GCN1: variants seen among roughly 807,000 people sequenced by gnomAD.
GCN1 encodes GCN1 activator of EIF2AK4, also known as stalled ribosome sensor GCN1.
Under a neutral mutation model 288.4 loss-of-function variants are expected in GCN1, and 90 were observed. The ratio of observed to expected loss-of-function variants is 0.31; its 90% CI spans 0.26 to 0.37. The LOEUF (loss-of-function observed/expected upper bound fraction) is 0.37, where lower values mean the gene tolerates loss of function less well. Ranked by LOEUF, GCN1 falls within the 10% of genes least tolerant of loss-of-function variation. The pLI is 1.00. For missense variants in GCN1, 2,586 were observed against 3,419.9 expected, an observed-to-expected ratio of 0.76 and a Z score of 6.08; for synonymous variants, 1,386 against 1,420.2, an observed-to-expected ratio of 0.98 and a Z score of 0.54.
intron 18 of GCN1, among the ~76,000 whole-genome samples, chr12:120,163,851 G>A (rs1444614572): frequency 3.3e-5 from 5 of 152,214 alleles, no homozygotes; most frequent in South Asian, 2.1e-4. Context: ...GGGAGGGCAC[G>A]GTGGCTCGTG....
At position 120,170,263 on chromosome 12, in the gene GCN1, C is replaced by T. The variant is rs532541768; in HGVS notation, c.1425G>A (p.Lys475=). ...GAACCTGAGTGCTTTGGGAGGCTGC[C>T]TTCTCCACTGTCTGGATGAGCAAGG... ...LLPLLIQTVE[K]AASQSTQVPT... is the part of the protein sequence containing the mutation. Residue 475 remains lysine (K), a synonymous_variant, in exon 15 of 58, where the codon AAG becomes AAA. Transcript: ENST00000300648. 3.1e-6 allele frequency: 5 copies of T among 1,614,080 alleles called. No homozygotes were observed. The highest frequency in any genetic ancestry group is 2.7e-5 in the African/African-American group (2 of 75,046).
At position 120,138,842 on chromosome 12, in the gene GCN1, A is replaced by C; in HGVS notation, c.6009T>G (p.Ser2003=). The C allele has an allele frequency of 6.2e-7, 1 of 1,611,142 alleles. No individual in the cohort carries two copies. Among genetic ancestry groups the C allele is most frequent in the Non-Finnish European group, 8.5e-7 (1 of 1,177,866 alleles). Residue 2003 remains serine, a synonymous_variant, in exon 46 of 58, where the codon TCT becomes TCG. Transcript: ENST00000300648. ...TCCTTGCCGTGGGCACGAGGGATTC[A>C]GAGAAATACAGCACCTGCAATGGCA... ...STSRDAVLYF[S]ESLVPTARKA...
At chr12:120,131,122 G>A (rs1395714898) in intron 55 of GCN1, 63 bp downstream of exon 55, 10 of 1,500,810 alleles carry the variant, frequency 6.7e-6, no homozygotes, top group Middle Eastern at 1.7e-4. Context: ...CCCGCGCTGT[G>A]TCCACAAGGT....
chr12:120,188,806 G>A (rs1200875057), intron 2 of GCN1, among the ~76,000 whole-genome samples: 3 of 149,566 alleles, frequency 2.0e-5, no homozygotes, highest in Non-Finnish European at 4.4e-5. Flanking sequence ...CTGAGATCAT[G>A]CCACTGCACT....
intron 26 of GCN1, among the ~76,000 whole-genome samples, chr12:120,157,408 G>A (rs908400802): frequency 6.6e-6 from 1 of 152,172 alleles, no homozygotes; most frequent in African/African-American, 2.4e-5. Context: ...ATATAATCTA[G>A]TAATTCCATG....
chr12:120,163,394 CCCAGCTT>C, intron 18 of GCN1, 135 bp from the exon 19 acceptor site: 1 of 666,988 alleles, frequency 1.5e-6, no homozygotes, highest in South Asian at 1.9e-5. Context: ...GAAATGGATG[CCCAGCTT>C]CCTGCAATGG....
At position 120,156,633 on chromosome 12, in the gene GCN1, G is replaced by C; in HGVS notation, c.3169-29C>G. On this transcript the variant is annotated intron_variant, in intron 27 of 57. Coordinates refer to ENST00000300648, the MANE Select transcript of GCN1 (RefSeq NM_006836.2). This position sits in a 1 kb window ranked among gnomAD's most constrained non-coding sequence, Gnocchi z 5.8. ...AGGAGAACATCAATCCACTGGTTCA[G>C]TCAGCAACTCATTTACTACTAGGGG... is the stretch of plus-strand genomic sequence containing the variant. 6.2e-7 allele frequency: 1 copy of C among 1,611,542 alleles called. No individual in the cohort carries two copies. Among genetic ancestry groups the C allele is most frequent in the Non-Finnish European group, 8.5e-7 (1 of 1,178,112 alleles).
At chr12:120,192,843 G>A (rs377684432) in intron 1 of GCN1, among the ~76,000 whole-genome samples, 4 of 151,766 alleles carry the variant, frequency 2.6e-5, no homozygotes, top group African/African-American at 2.4e-5. Context: ...TCAGAAGTTC[G>A]AGACCAGCCT....
rs571832523 is a variant in GCN1, at chr12:120,127,740, T to G, written c.*109A>C. The stretch of plus-strand genomic sequence containing the variant: ...CTGTGGTCTATTGATATTAAAATAC[T>G]TTCTGGGAACGCCATCTTCCAAGCT... On this transcript the variant is annotated 3_prime_UTR_variant, in exon 58 of 58. Transcript: ENST00000300648. The G allele has an allele frequency of 7.7e-5, 96 of 1,244,202 alleles. No homozygotes were observed. Among genetic ancestry groups the G allele is most frequent in the Admixed American group, 1.2e-4 (6 of 49,790 alleles). 77.1% of individuals were successfully genotyped at this position (1,244,202 alleles called of 1,614,324 possible). A position where few individuals can be genotyped will look rare whatever the true frequency, so the allele number is the denominator to read the frequency against.
intron 14 of GCN1, 114 bp downstream of exon 14, chr12:120,173,539 T>TA: frequency 1.4e-6 from 1 of 698,624 alleles, no homozygotes; most frequent in Non-Finnish European, 2.5e-6. Context: ...CAGGAAGAAT[T>TA]AAACAGTGCA....
At chr12:120,175,607 C>A in intron 11 of GCN1, 139 bp downstream of exon 11, 2 of 860,900 alleles carry the variant, frequency 2.3e-6, no homozygotes, top group South Asian at 1.6e-5. Flanking sequence ...CACACATTCA[C>A]ATTCCAGTGT....
chr12:120,127,581 A>C lies in GCN1; in HGVS notation c.*268T>G, dbSNP rs1437239917. 1.5e-5 allele frequency: 6 copies of C among 397,170 alleles called. No individual in the cohort carries two copies. The highest frequency in any genetic ancestry group is 2.3e-5 in the Non-Finnish European group (5 of 212,890). 24.6% of individuals were successfully genotyped at this position (397,170 alleles called of 1,614,324 possible). A position where few individuals can be genotyped will look rare whatever the true frequency, so the allele number is the denominator to read the frequency against. On this transcript the variant is annotated 3_prime_UTR_variant, in exon 58 of 58. Coordinates refer to ENST00000300648, the MANE Select transcript of GCN1 (RefSeq NM_006836.2). ...TATAGTTCCAGACCTAGCCATGCTA[A>C]ACTGGACAAACAGCTCCTGGGCTGC...
rs1442409361 is a variant in GCN1, at chr12:120,189,090, G to A, written c.121+1208C>T. On this transcript the variant is annotated intron_variant, in intron 2 of 57. Coordinates refer to ENST00000300648, the MANE Select transcript of GCN1 (RefSeq NM_006836.2). The stretch of plus-strand genomic sequence containing the variant: ...AGGCCATGGTTCCTTTTTTATTTGA[G>A]ACGGAGTCTTGCTCTGTCGCCCAGG... Among the ~76,000 whole-genome samples, 4 of 152,110 alleles carry A rather than the reference G, an allele frequency of 2.6e-5. No homozygotes were observed. In the East Asian group the frequency reaches 5.8e-4, roughly 22 times the overall value.
intron 56 of GCN1, 96 bp from the exon 57 acceptor site, chr12:120,129,590 G>C (rs2139077838): frequency 3.3e-6 from 3 of 909,252 alleles, no homozygotes; most frequent in South Asian, 1.4e-5. Flanking sequence ...CCTACAGCAT[G>C]AACACTGACC....
intron 5 of GCN1, among the ~76,000 whole-genome samples, chr12:120,181,804 A>G (rs1594288222): frequency 7.3e-6 from 1 of 137,734 alleles, no homozygotes; most frequent in Non-Finnish European, 1.5e-5. Flanking sequence ...GCGCCATTGC[A>G]CTCCAGCCTA....
At chr12:120,194,541 C>T (rs977896732) in intron 1 of GCN1, 139 bp downstream of exon 1, 15 of 861,990 alleles carry the variant, frequency 1.7e-5, no homozygotes, top group Middle Eastern at 2.2e-4. Context: ...AGAGTCCAGC[C>T]TGAGACGGCC....
chr12:120,189,725 C>A (rs1332296999), intron 2 of GCN1, among the ~76,000 whole-genome samples: 1 of 152,044 alleles, frequency 6.6e-6, no homozygotes, highest in African/African-American at 2.4e-5. Flanking sequence ...GTGCCTGTAA[C>A]CCCGGCATTT....
intron 51 of GCN1, among the ~76,000 whole-genome samples, chr12:120,136,213 A>G (rs1035180066): frequency 6.6e-6 from 1 of 152,144 alleles, no homozygotes; most frequent in African/African-American, 2.4e-5. Flanking sequence ...TCTAATCCCC[A>G]TATCTAGCAG....
At chr12:120,184,288 C>T in intron 3 of GCN1, 45 bp from the exon 4 acceptor site, 1 of 1,580,144 alleles carries the variant, frequency 6.3e-7, no homozygotes, top group Non-Finnish European at 8.6e-7. Context: ...AGACCTCAGG[C>T]AGAGGCAGGG....
Sources: gnomAD v4.1 joint callset for allele counts (sites outside exome capture counted in the v4.1 genomes callset) on GRCh38, gnomAD v4.1.1 for gene constraint, Gnocchi (gnomAD v3.1) non-coding constraint, MANE v1.5 for transcripts, NCBI Gene and HGNC (gene_info 2026-07-23, HGNC 2026-07-21) for gene names.